PLCL2: variants seen among roughly 807,000 people sequenced by gnomAD.
PLCL2 encodes the protein inactive phospholipase C-like protein 2.
A neutral mutation model predicts 79.6 loss-of-function variants in PLCL2; 4 were observed. The observed-to-expected ratio is 0.05, with a 90% CI of 0.02 to 0.11. The LOEUF is 0.11. PLCL2 is among the 10% of genes least tolerant of loss of function. The pLI is 1.00. For missense variants in PLCL2, 895 were observed against 1,291.0 expected (o/e 0.69, Z 4.70); for synonymous variants, 484 against 457.7 (o/e 1.06, Z -0.73).
intron 1 of PLCL2, among the ~76,000 whole-genome samples, chr3:16,918,787 T>G (rs1373198532): frequency 1.3e-5 from 2 of 152,208 alleles, no homozygotes; most frequent in East Asian, 3.8e-4. Flanking sequence ...ATATAATTCT[T>G]TGATTTTGTT....
intron 1 of PLCL2, among the ~76,000 whole-genome samples, chr3:16,925,339 T>C (rs1455142668): frequency 6.6e-6 from 1 of 152,166 alleles, no homozygotes; most frequent in Non-Finnish European, 1.5e-5. Flanking sequence ...GTTCAAGTTA[T>C]AAACATGAGC....
At chr3:16,917,445 C>T (rs1472682302) in intron 1 of PLCL2, among the ~76,000 whole-genome samples, 1 of 152,172 alleles carries the variant, frequency 6.6e-6, no homozygotes, top group African/African-American at 2.4e-5. Context: ...CAGGACACAT[C>T]AGAAATGTCT....
chr3:16,900,023 C>T (rs2124919906), intron 1 of PLCL2, among the ~76,000 whole-genome samples: 1 of 152,172 alleles, frequency 6.6e-6, no homozygotes, highest in East Asian at 1.9e-4. Flanking sequence ...TAAATGGAAA[C>T]ATGTAACTGC....
intron 5 of PLCL2, among the ~76,000 whole-genome samples, chr3:17,086,960 A>G (rs1421911849): frequency 6.6e-6 from 1 of 152,258 alleles, no homozygotes; most frequent in African/African-American, 2.4e-5. Context: ...ATACCAATAC[A>G]CATCTATTAC....
chr3:17,089,529 T>C (rs1270840011), intron 5 of PLCL2, among the ~76,000 whole-genome samples: 2 of 152,222 alleles, frequency 1.3e-5, no homozygotes, highest in Non-Finnish European at 2.9e-5. Context: ...AAAGGCAGCA[T>C]ACTCTTGGAG....
chr3:16,954,162 G>A (rs575490919), intron 1 of PLCL2, among the ~76,000 whole-genome samples: 68 of 152,214 alleles, frequency 4.5e-4, no homozygotes, highest in African/African-American at 1.6e-3. Context: ...ATCTCCTAAT[G>A]CTATCCCTCC....
intron 4 of PLCL2, among the ~76,000 whole-genome samples, chr3:17,048,727 T>C (rs2064807910): frequency 6.6e-6 from 1 of 152,234 alleles, no homozygotes; most frequent in Non-Finnish European, 1.5e-5. Flanking sequence ...TGTGTGATGC[T>C]AATCATCTCT....
intron 4 of PLCL2, among the ~76,000 whole-genome samples, chr3:17,055,751 T>G (rs1371537205): frequency 6.6e-6 from 1 of 152,130 alleles, no homozygotes; most frequent in Non-Finnish European, 1.5e-5. Flanking sequence ...AACTTCTCTT[T>G]TGAGGGTAGA....
intron 1 of PLCL2, among the ~76,000 whole-genome samples, chr3:16,951,009 G>C (rs976825705): frequency 2.6e-5 from 4 of 152,046 alleles, no homozygotes; most frequent in African/African-American, 9.7e-5. Flanking sequence ...TGATCAACCA[G>C]ACAATACACA....
chr3:16,993,320 C>T (rs567037747), intron 1 of PLCL2, among the ~76,000 whole-genome samples: 1 of 152,286 alleles, frequency 6.6e-6, no homozygotes, highest in African/African-American at 2.4e-5. Context: ...TCACCAGTTG[C>T]TGGTGGTTCC....
chr3:17,056,652 T>C (rs754996235), intron 4 of PLCL2, among the ~76,000 whole-genome samples: 15 of 152,092 alleles, frequency 9.9e-5, no homozygotes, highest in Non-Finnish European at 2.2e-4. Flanking sequence ...TATTAACATA[T>C]TAAAGAAAAA....
At chr3:17,014,948 A>G in intron 3 of PLCL2, 37 bp downstream of exon 3, 1 of 1,522,656 alleles carries the variant, frequency 6.6e-7, no homozygotes, top group Non-Finnish European at 9.1e-7. Flanking sequence ...AGCCTGGGTG[A>G]GAGAGATATC....
intron 1 of PLCL2, among the ~76,000 whole-genome samples, chr3:16,944,932 G>A (rs2063586734): frequency 6.6e-6 from 1 of 151,900 alleles, no homozygotes; most frequent in Non-Finnish European, 1.5e-5. Flanking sequence ...GGTAATTTTT[G>A]TACTTTTAGT....
chr3:16,967,133 TA>T (rs1414943768), intron 1 of PLCL2, among the ~76,000 whole-genome samples: 2 of 152,196 alleles, frequency 1.3e-5, no homozygotes, highest in Non-Finnish European at 2.9e-5. Flanking sequence ...TTCCATGGTG[TA>T]TATGTACCAC....
chr3:16,955,654 C>A (rs2063697556), intron 1 of PLCL2, among the ~76,000 whole-genome samples: 2 of 152,274 alleles, frequency 1.3e-5, no homozygotes, highest in South Asian at 2.1e-4. Flanking sequence ...TTCTTCCTAC[C>A]CATGAGCATG....
chr3:16,923,830 A>G (rs1338001963), intron 1 of PLCL2, among the ~76,000 whole-genome samples: 1 of 151,884 alleles, frequency 6.6e-6, no homozygotes, highest in African/African-American at 2.4e-5. Flanking sequence ...TGCTCCTCAG[A>G]TTGGGTAATC....
At chr3:16,915,947 C>G (rs1696984326) in intron 1 of PLCL2, among the ~76,000 whole-genome samples, 1 of 152,160 alleles carries the variant, frequency 6.6e-6, no homozygotes, top group African/African-American at 2.4e-5. Flanking sequence ...AGGCTCAACT[C>G]GCTCACACCT....
At position 16,886,690 on chromosome 3, in the gene PLCL2, A is replaced by T. The variant is rs995751996; in HGVS notation, c.327+1324A>T. Among the ~76,000 whole-genome samples, 57 of 152,194 alleles carry T rather than the reference A, an allele frequency of 3.7e-4. No individual in the cohort carries two copies. The highest frequency in any genetic ancestry group is 1.4e-3 in the African/African-American group (56 of 41,438). On this transcript the variant is annotated intron_variant, in intron 1 of 5. Transcript: ENST00000615277. The surrounding 1 kb of genome is among the most constrained non-coding windows in gnomAD (Gnocchi z 4.2). ...ACGTAGAGATAAACTAAGGAAAGTA[A>T]AGTGTCTTTTTGCTGCATACATAGC...
intron 1 of PLCL2, among the ~76,000 whole-genome samples, chr3:16,966,305 T>C (rs2063806051): frequency 6.6e-6 from 1 of 151,728 alleles, no homozygotes; most frequent in Non-Finnish European, 1.5e-5. Context: ...GTTCTGTTTA[T>C]ATGCTGGATT....
Sources: gnomAD v4.1 joint callset for allele counts (sites outside exome capture counted in the v4.1 genomes callset) on GRCh38, gnomAD v4.1.1 for gene constraint, Gnocchi (gnomAD v3.1) non-coding constraint, MANE v1.5 for transcripts, NCBI Gene and HGNC (gene_info 2026-07-23, HGNC 2026-07-21) for gene names.